Variants in DPYD observed in about 807,000 individuals in gnomAD.
The protein encoded by DPYD is dihydropyrimidine dehydrogenase [NADP(+)].
Under a neutral mutation model 116.2 loss-of-function variants are expected in DPYD, and 109 were observed. The ratio of observed to expected loss-of-function variants is 0.94; its 90% CI spans 0.80 to 1.10. DPYD has a LOEUF of 1.10. DPYD is among the 50% of genes least tolerant of loss of function. The pLI, the probability that DPYD is intolerant of heterozygous loss-of-function variation, is 0.00. For missense variants in DPYD, 1,302 were observed against 1,254.5 expected (o/e 1.04, Z -0.57); for synonymous variants, 440 against 432.0 (o/e 1.02, Z -0.23).
chr1:97,717,112 T>C (rs1662657806), intron 5 of DPYD, among the ~76,000 whole-genome samples: 2 of 152,012 alleles, frequency 1.3e-5, no homozygotes, highest in Admixed American at 6.6e-5. Flanking sequence ...AGATAGTTAA[T>C]GGGTATGAAA....
chr1:97,559,161 A>G (rs2102126532), intron 11 of DPYD, among the ~76,000 whole-genome samples: 1 of 152,232 alleles, frequency 6.6e-6, no homozygotes, highest in East Asian at 1.9e-4. Flanking sequence ...TTTTTTGTAT[A>G]CTTCTCAGCA....
chr1:97,264,182 T>G (rs925861011), intron 18 of DPYD, among the ~76,000 whole-genome samples: 4 of 125,106 alleles, frequency 3.2e-5, no homozygotes, highest in Non-Finnish European at 5.1e-5. Flanking sequence ...TTTTTTTTTT[T>G]TTTTTTTTTT....
chr1:97,271,785 A>G (rs1664597506), intron 18 of DPYD, among the ~76,000 whole-genome samples: 3 of 152,134 alleles, frequency 2.0e-5, no homozygotes, highest in Admixed American at 1.3e-4. Context: ...CTATTGAATC[A>G]CAATATCCAA....
intron 13 of DPYD, among the ~76,000 whole-genome samples, chr1:97,477,604 C>CTT (rs56199931): frequency 1.8e-4 from 20 of 113,674 alleles, no homozygotes; most frequent in African/African-American, 5.7e-4. Flanking sequence ...GACTGTTCTT[C>CTT]TTTTTTTTTT....
At chr1:97,535,579 G>C (rs1649934938) in intron 12 of DPYD, among the ~76,000 whole-genome samples, 1 of 152,092 alleles carries the variant, frequency 6.6e-6, no homozygotes, top group South Asian at 2.1e-4. Context: ...ATATGGGTAA[G>C]GAAATATTCT....
chr1:97,545,612 C>T lies in DPYD; in HGVS notation c.1524+3948G>A, dbSNP rs986384752. Reference sequence around the variant, plus strand: ...ACAAGGGAAGATATTCAGTGGACTGCTGGATTATGCAAGAGAGTGCCCTGT... The same window carrying T: ...ACAAGGGAAGATATTCAGTGGACTGTTGGATTATGCAAGAGAGTGCCCTGT... On this transcript the variant is annotated intron_variant, in intron 12 of 22. Coordinates refer to ENST00000370192, the MANE Select transcript of DPYD (RefSeq NM_000110.4). 7.1e-6 allele frequency: 4 copies of T among 559,802 alleles called. No homozygotes were observed. In the African/African-American group the frequency reaches 7.5e-5, roughly 11 times the overall value. The allele number at this position is 559,802 out of a possible 1,614,324, so 34.7% of individuals were successfully genotyped here. A position where few individuals can be genotyped will look rare whatever the true frequency, so the allele number is the denominator to read the frequency against.
chr1:97,917,923 T>C (rs995301566), intron 1 of DPYD, among the ~76,000 whole-genome samples: 2 of 152,172 alleles, frequency 1.3e-5, no homozygotes, highest in African/African-American at 2.4e-5. Flanking sequence ...ATATTCACAA[T>C]ATACTGGCTG....
chr1:97,327,837 A>G (rs984220898), intron 16 of DPYD, among the ~76,000 whole-genome samples: 12 of 152,068 alleles, frequency 7.9e-5, no homozygotes, highest in Non-Finnish European at 8.8e-5. Flanking sequence ...AATCTCTTCT[A>G]ATAGGTGGTG....
intron 14 of DPYD, among the ~76,000 whole-genome samples, chr1:97,392,203 C>T (rs1371405918): frequency 6.6e-6 from 1 of 151,988 alleles, no homozygotes; most frequent in East Asian, 1.9e-4. Context: ...TTTCCCAGTG[C>T]ATAAAAGTTA....
In DPYD at chr1:97,732,254, A is replaced by G. The variant is rs557155935; in HGVS notation, c.321+8138T>C. On this transcript the variant is annotated intron_variant, in intron 4 of 22. Coordinates refer to ENST00000370192, the MANE Select transcript of DPYD (RefSeq NM_000110.4). ...CACTTTGGGAGGCCGAGGCAGGTGG[A>G]TCATGAGGTCAGGAGATGGAGACCA... is the stretch of plus-strand genomic sequence containing the variant. Among the ~76,000 whole-genome samples, 11 of 152,170 alleles carry G rather than the reference A, an allele frequency of 7.2e-5. No individual in the cohort carries two copies. The South Asian group carries it at 2.3e-3, about 32-fold the overall frequency.
At chr1:97,405,870 T>A (rs1392235313) in intron 14 of DPYD, among the ~76,000 whole-genome samples, 1 of 152,152 alleles carries the variant, frequency 6.6e-6, no homozygotes, top group African/African-American at 2.4e-5. Context: ...TTAGGTCTTG[T>A]TAAGAAAAAC....
chr1:97,317,145 G>A (rs949231543), intron 16 of DPYD, among the ~76,000 whole-genome samples: 2 of 151,856 alleles, frequency 1.3e-5, no homozygotes, highest in Admixed American at 6.6e-5. Context: ...CTTTCTTTAT[G>A]TGTGGGATAT....
intron 12 of DPYD, among the ~76,000 whole-genome samples, chr1:97,528,931 G>C (rs1290697226): frequency 6.6e-6 from 1 of 152,006 alleles, no homozygotes; most frequent in Non-Finnish European, 1.5e-5. Context: ...ATTGGATTTT[G>C]TTAATATTCA....
chr1:97,741,762 A>C (rs767049533), intron 3 of DPYD, among the ~76,000 whole-genome samples: 2 of 152,164 alleles, frequency 1.3e-5, no homozygotes, highest in African/African-American at 2.4e-5. Flanking sequence ...GACACAGAAA[A>C]AGCCACACAC....
chr1:97,187,258 T>C (rs1658063889), intron 20 of DPYD, among the ~76,000 whole-genome samples: 1 of 152,238 alleles, frequency 6.6e-6, no homozygotes, highest in South Asian at 2.1e-4. Context: ...TTTGACTTTT[T>C]AGTAAGAGCC....
intron 14 of DPYD, among the ~76,000 whole-genome samples, chr1:97,419,833 T>G (rs138697650): frequency 3.3e-5 from 5 of 152,308 alleles, no homozygotes; most frequent in East Asian, 1.9e-4. Context: ...TTCAAAAATT[T>G]TATTGCTATG....
chr1:97,260,541 G>C (rs893681659), intron 18 of DPYD, among the ~76,000 whole-genome samples: 1 of 152,080 alleles, frequency 6.6e-6, no homozygotes, highest in Non-Finnish European at 1.5e-5. Flanking sequence ...TGTTGTATAA[G>C]TATACAATTG....
intron 18 of DPYD, among the ~76,000 whole-genome samples, chr1:97,272,635 C>T (rs910892979): frequency 2.0e-5 from 3 of 152,040 alleles, no homozygotes; most frequent in Non-Finnish European, 2.9e-5. Flanking sequence ...TGAATAAGAA[C>T]AAGTACGTTA....
chr1:97,735,450 G>T (rs948416372), intron 4 of DPYD, among the ~76,000 whole-genome samples: 7 of 150,990 alleles, frequency 4.6e-5, no homozygotes, highest in Admixed American at 2.0e-4. Flanking sequence ...GCCAAAGCAG[G>T]CAGATCACGA....
Sources: gnomAD v4.1 joint callset for allele counts (sites outside exome capture counted in the v4.1 genomes callset) on GRCh38, gnomAD v4.1.1 for gene constraint, MANE v1.5 for transcripts, NCBI Gene and HGNC (gene_info 2026-07-23, HGNC 2026-07-21) for gene names.